The following LRRC4C variants were observed in gnomAD, a reference collection of about 807,000 sequenced individuals.
LRRC4C encodes the protein leucine rich repeat containing 4C.
LRRC4C carries 5 observed loss-of-function variants against 33.6 expected under a neutral mutation model. The observed-to-expected ratio is 0.15, with a 90% CI of 0.08 to 0.31. The LOEUF is 0.31. Among genes scored for constraint, LRRC4C ranks in the 10% least tolerant of loss-of-function variants. The pLI is 1.00. For synonymous variants in LRRC4C, 329 were observed against 302.0 expected (o/e 1.09, Z -0.93); for missense variants, 560 against 796.7 (o/e 0.70, Z 3.58).
intron 1 of LRRC4C, among the ~76,000 whole-genome samples, chr11:40,985,205 CT>C (rs1852911375): frequency 6.6e-6 from 1 of 151,998 alleles, no homozygotes; most frequent in South Asian, 2.1e-4. Context: ...TCACTATTGT[CT>C]TTTGAGATAC....
chr11:41,002,391 T>A (rs568694803), intron 1 of LRRC4C, among the ~76,000 whole-genome samples: 3 of 152,288 alleles, frequency 2.0e-5, no homozygotes, highest in African/African-American at 7.2e-5. Context: ...TGCCATTGGA[T>A]CCACATCCTT....
intron 1 of LRRC4C, among the ~76,000 whole-genome samples, chr11:41,415,511 T>C (rs2939757): frequency 5.9e-5 from 9 of 152,168 alleles, no homozygotes; most frequent in East Asian, 5.8e-4. Context: ...TGATTTAATC[T>C]AATTTATGGT....
chr11:41,142,744 T>C (rs1476633850), intron 1 of LRRC4C, among the ~76,000 whole-genome samples: 1 of 152,228 alleles, frequency 6.6e-6, no homozygotes, highest in Admixed American at 6.5e-5. Context: ...CTCTATGTTT[T>C]GATGCAAAAG....
intron 1 of LRRC4C, among the ~76,000 whole-genome samples, chr11:41,395,626 G>A (rs867850043): frequency 1.3e-5 from 2 of 151,914 alleles, no homozygotes; most frequent in African/African-American, 4.8e-5. Context: ...ATTTTACAAA[G>A]AGTAAAATAT....
At chr11:41,381,334 TA>T (rs1953139335) in intron 1 of LRRC4C, among the ~76,000 whole-genome samples, 1 of 152,064 alleles carries the variant, frequency 6.6e-6, no homozygotes, top group Admixed American at 6.6e-5. Context: ...TCAATATAGT[TA>T]AAGAACAATA....
At position 41,415,729 on chromosome 11, in the gene LRRC4C, T is replaced by C. The variant is rs552758497; in HGVS notation, c.-496+43702A>G. On this transcript the variant is annotated intron_variant, in intron 1 of 6. Coordinates refer to ENST00000528697, the MANE Select transcript of LRRC4C (RefSeq NM_001258419.2). ...TTCCATGTCTAATAGATGGATGATA[T>C]CTAAATTCGTTTGCAACACTGATAT... Among the ~76,000 whole-genome samples, 109 of 152,220 alleles carry C rather than the reference T, an allele frequency of 7.2e-4. 1 individual carries two copies. Among genetic ancestry groups the C allele is most frequent in the South Asian group, 6.0e-3 (29 of 4,830 alleles).
At chr11:40,834,198 G>A (rs545390311) in intron 2 of LRRC4C, among the ~76,000 whole-genome samples, 1 of 152,136 alleles carries the variant, frequency 6.6e-6, no homozygotes, top group Non-Finnish European at 1.5e-5. Flanking sequence ...TTTTGGCCAG[G>A]TGCGGTGGCT....
intron 1 of LRRC4C, among the ~76,000 whole-genome samples, chr11:41,128,062 C>A (rs1483130462): frequency 6.6e-6 from 1 of 152,018 alleles, no homozygotes; most frequent in African/African-American, 2.4e-5. Flanking sequence ...TGGTAGATTG[C>A]ACTATTCACA....
intron 2 of LRRC4C, among the ~76,000 whole-genome samples, chr11:40,928,477 T>C (rs1957484723): frequency 6.6e-6 from 1 of 151,996 alleles, no homozygotes; most frequent in Non-Finnish European, 1.5e-5. Context: ...TGGAATATTT[T>C]CAAATGGCAA....
chr11:40,432,331 C>A (rs2137866006), intron 3 of LRRC4C, among the ~76,000 whole-genome samples: 1 of 152,268 alleles, frequency 6.6e-6, no homozygotes, highest in East Asian at 1.9e-4. Context: ...TCAGTCCATT[C>A]CAATCTCTCC....
chr11:41,384,408 A>G (rs1953274992), intron 1 of LRRC4C, among the ~76,000 whole-genome samples: 3 of 151,900 alleles, frequency 2.0e-5, no homozygotes. Context: ...ATACAACAGT[A>G]GAATATAAAG....
intron 4 of LRRC4C, among the ~76,000 whole-genome samples, chr11:40,290,408 G>A (rs995955647): frequency 5.9e-5 from 9 of 152,296 alleles, no homozygotes; most frequent in African/African-American, 2.2e-4. Context: ...TTTATTGCCT[G>A]ATCTGTGTTC....
At chr11:40,297,625 G>A (rs941500858) in intron 4 of LRRC4C, among the ~76,000 whole-genome samples, 1 of 151,382 alleles carries the variant, frequency 6.6e-6, no homozygotes, top group South Asian at 2.1e-4. Flanking sequence ...GACCCATGAT[G>A]GCTACTCCTC....
At chr11:40,438,367 A>C (rs1565388039) in intron 3 of LRRC4C, among the ~76,000 whole-genome samples, 1 of 152,216 alleles carries the variant, frequency 6.6e-6, no homozygotes, top group Non-Finnish European at 1.5e-5. Flanking sequence ...AATAACAAAA[A>C]ACTATAACTG....
intron 3 of LRRC4C, among the ~76,000 whole-genome samples, chr11:40,454,672 C>G (rs576618284): frequency 1.3e-5 from 2 of 152,108 alleles, no homozygotes; most frequent in Non-Finnish European, 2.9e-5. Flanking sequence ...AATACCTATG[C>G]CTTCTACATC....
chr11:41,267,982 C>T (rs1226245365), intron 1 of LRRC4C, among the ~76,000 whole-genome samples: 6 of 152,054 alleles, frequency 3.9e-5, no homozygotes, highest in Non-Finnish European at 2.9e-5. Flanking sequence ...CATTCTAATG[C>T]TACTTCAGAG....
chr11:40,503,062 C>A (rs938398571), intron 3 of LRRC4C, among the ~76,000 whole-genome samples: 1 of 152,144 alleles, frequency 6.6e-6, no homozygotes, highest in East Asian at 1.9e-4. Flanking sequence ...AATACTCATG[C>A]TTTCCCCAAG....
intron 3 of LRRC4C, among the ~76,000 whole-genome samples, chr11:40,383,167 G>A (rs2137371806): frequency 6.6e-6 from 1 of 152,204 alleles, no homozygotes; most frequent in Middle Eastern, 3.4e-3. Flanking sequence ...TGTTCTTTGG[G>A]TCCATTCATG....
chr11:41,034,664 A>T (rs1013164011), intron 1 of LRRC4C, among the ~76,000 whole-genome samples: 1 of 145,118 alleles, frequency 6.9e-6, no homozygotes, highest in African/African-American at 2.5e-5. Flanking sequence ...ATATATATAT[A>T]TGATATATAT....
Sources: allele counts gnomAD v4.1 joint callset (sites outside exome capture counted in the v4.1 genomes callset), GRCh38; gene constraint gnomAD v4.1.1; transcripts MANE v1.5; gene names NCBI Gene and HGNC (gene_info 2026-07-23, HGNC 2026-07-21).